HIVEP3: variants seen among roughly 807,000 people sequenced by gnomAD.
HIVEP3 encodes the protein HIVEP zinc finger 3, also known as transcription factor HIVEP3.
Under a neutral mutation model 152.8 loss-of-function variants are expected in HIVEP3, and 49 were observed. The ratio of observed to expected loss-of-function variants is 0.32; its 90% CI spans 0.26 to 0.41. HIVEP3 has a LOEUF of 0.41. HIVEP3 is among the 10% of genes least tolerant of loss of function. The pLI is 1.00. For missense variants in HIVEP3, 2,790 were observed against 3,103.3 expected (o/e 0.90, Z 2.40); for synonymous variants, 1,269 against 1,289.0 (o/e 0.98, Z 0.33).
rs35360287 is a variant in HIVEP3 at position 41,616,569 on chromosome 1, CTTTT to C, written c.-522+12176_-522+12179del. 2.9e-4 allele frequency among the ~76,000 whole-genome samples: 37 copies of C among 127,732 alleles called. No homozygotes were observed. In the East Asian group the frequency reaches 8.2e-3, roughly 28 times the overall value. 83.8% of individuals were successfully genotyped at this position (127,732 alleles called of 152,430 possible). A position where few individuals can be genotyped will look rare whatever the true frequency, so the allele number is the denominator to read the frequency against. Reference sequence around the variant, plus strand: ...TCACTGCCTGAGGCAATAGCAATTACTTTTTTTTTTTTTTTCAAACAGGGTATAG... The same window carrying C: ...TCACTGCCTGAGGCAATAGCAATTACTTTTTTTTTTTCAAACAGGGTATAG... On this transcript the variant is annotated intron_variant, in intron 3 of 8. Transcript: ENST00000372583.
At chr1:41,968,874 A>T (rs116247309) in intron 1 of HIVEP3, among the ~76,000 whole-genome samples, 2,300 of 152,320 alleles carry the variant, frequency 0.015, 56 homozygotes, top group African/African-American at 0.053. Flanking sequence ...TAGGATACAA[A>T]GTCAATGTGC....
In HIVEP3 at chr1:41,762,154, A is replaced by G. The variant is rs535048549; in HGVS notation, c.-800-61159T>C. 4.6e-5 allele frequency among the ~76,000 whole-genome samples: 7 copies of G among 152,230 alleles called. No homozygotes were observed. The South Asian group carries it at 1.5e-3, about 32-fold the overall frequency. ...TGCACTGCTCCATTCTGAGCCCATA[A>G]AAGCCCCGGACCCAGCCACATTGAG... is the stretch of plus-strand genomic sequence containing the variant. On this transcript the variant is annotated intron_variant, in intron 1 of 8. Coordinates refer to ENST00000372583, the MANE Select transcript of HIVEP3 (RefSeq NM_024503.5).
intron 1 of HIVEP3, among the ~76,000 whole-genome samples, chr1:41,895,831 A>T (rs1486780291): frequency 6.6e-6 from 1 of 152,234 alleles, no homozygotes; most frequent in African/African-American, 2.4e-5. Context: ...AACACGGCCT[A>T]TAGAAAACTG....
chr1:41,835,370 C>T (rs1643091370), intron 1 of HIVEP3, among the ~76,000 whole-genome samples: 1 of 152,206 alleles, frequency 6.6e-6, no homozygotes, highest in Non-Finnish European at 1.5e-5. Context: ...CCCAGCATGG[C>T]CTTTCCTCCG....
At chr1:41,652,237 A>G (rs751491850) in intron 2 of HIVEP3, among the ~76,000 whole-genome samples, 3 of 152,200 alleles carry the variant, frequency 2.0e-5, no homozygotes, top group Non-Finnish European at 4.4e-5. Context: ...GCCTTCCCAT[A>G]TGTCCCTTGC....
intron 1 of HIVEP3, among the ~76,000 whole-genome samples, chr1:42,006,800 C>A (rs936927809): frequency 6.6e-6 from 1 of 152,202 alleles, no homozygotes; most frequent in Admixed American, 6.5e-5. Flanking sequence ...TTTTTGACCT[C>A]ATGGATCCCT....
intron 1 of HIVEP3, among the ~76,000 whole-genome samples, chr1:41,856,174 G>A (rs1643760621): frequency 6.6e-6 from 1 of 152,214 alleles, no homozygotes; most frequent in Admixed American, 6.5e-5. Flanking sequence ...CCATCTTTAT[G>A]TGTCAGCAGC....
chr1:41,585,553 G>C (rs1440765902), intron 3 of HIVEP3, among the ~76,000 whole-genome samples: 1 of 152,144 alleles, frequency 6.6e-6, no homozygotes, highest in African/African-American at 2.4e-5. Flanking sequence ...CTGAATGCCA[G>C]TGTGTTTCTG....
intron 1 of HIVEP3, among the ~76,000 whole-genome samples, chr1:42,027,309 G>GT (rs1241008493): frequency 6.6e-6 from 1 of 152,154 alleles, no homozygotes; most frequent in Admixed American, 6.5e-5. Context: ...AGCCACAACT[G>GT]TATTTTATCA....
chr1:41,644,131 C>G (rs1269702303), intron 2 of HIVEP3, among the ~76,000 whole-genome samples: 1 of 151,974 alleles, frequency 6.6e-6, no homozygotes, highest in Non-Finnish European at 1.5e-5. Context: ...AGTGATCCAC[C>G]CACCTTGGCC....
rs182051560 is a variant in HIVEP3 at position 41,541,588 on chromosome 1, C to A, written c.5208-16678G>T. 2.4e-4 allele frequency among the ~76,000 whole-genome samples: 36 copies of A among 152,320 alleles called. No individual in the cohort carries two copies. In the East Asian group the frequency reaches 6.9e-3, roughly 29 times the overall value. ...CTCCAGTTCTCCCCTGAGCTCAGATCCAACCCCAGCTTCTCAGAAGCTTCC... is the reference window on the plus strand; with the variant it reads ...CTCCAGTTCTCCCCTGAGCTCAGATACAACCCCAGCTTCTCAGAAGCTTCC... On this transcript the variant is annotated intron_variant, in intron 5 of 8. Transcript: ENST00000372583.
At chr1:41,561,176 C>T (rs1186872810) in intron 5 of HIVEP3, among the ~76,000 whole-genome samples, 1 of 152,214 alleles carries the variant, frequency 6.6e-6, no homozygotes, top group Non-Finnish European at 1.5e-5. Flanking sequence ...AACCACATGG[C>T]AATCATTCAT....
intron 5 of HIVEP3, among the ~76,000 whole-genome samples, chr1:41,568,826 T>C (rs1332219712): frequency 6.6e-6 from 1 of 152,192 alleles, no homozygotes; most frequent in East Asian, 1.9e-4. Context: ...CCCACTGATA[T>C]GGTTTGGATC....
intron 2 of HIVEP3, among the ~76,000 whole-genome samples, chr1:41,692,259 C>CGA (rs1646209629): frequency 6.6e-6 from 1 of 152,230 alleles, no homozygotes; most frequent in African/African-American, 2.4e-5. Flanking sequence ...GAAAAGGACA[C>CGA]TATGGACAGT....
intron 1 of HIVEP3, among the ~76,000 whole-genome samples, chr1:41,705,594 G>A (rs912169809): frequency 1.6e-4 from 24 of 152,364 alleles, no homozygotes; most frequent in South Asian, 8.3e-4. Context: ...TAAAAGAGCA[G>A]GGGGTGCTGG....
chr1:41,839,051 T>C (rs753255665), intron 1 of HIVEP3, among the ~76,000 whole-genome samples: 1 of 152,210 alleles, frequency 6.6e-6, no homozygotes, highest in African/African-American at 2.4e-5. Context: ...AATCTTCCAA[T>C]TGACAATATT....
chr1:41,609,014 G>A (rs1390154727), intron 3 of HIVEP3, among the ~76,000 whole-genome samples: 1 of 152,106 alleles, frequency 6.6e-6, no homozygotes, highest in East Asian at 1.9e-4. Flanking sequence ...AACCTAGGAG[G>A]TGGAGGTTGC....
chr1:41,605,044 G>T (rs1570081086), intron 3 of HIVEP3, among the ~76,000 whole-genome samples: 1 of 150,180 alleles, frequency 6.7e-6, no homozygotes. Flanking sequence ...GGTAGAGGCT[G>T]TAGTGAGCTG....
intron 3 of HIVEP3, among the ~76,000 whole-genome samples, chr1:41,605,602 C>T (rs1462386775): frequency 6.6e-6 from 1 of 151,600 alleles, no homozygotes; most frequent in African/African-American, 2.4e-5. Flanking sequence ...GAAACAGGTT[C>T]CCAGTACAGG....
Sources: gnomAD v4.1 joint callset for allele counts (sites outside exome capture counted in the v4.1 genomes callset) on GRCh38, gnomAD v4.1.1 for gene constraint, MANE v1.5 for transcripts, NCBI Gene and HGNC (gene_info 2026-07-23, HGNC 2026-07-21) for gene names.